Variants in C6orf15 observed in about 807,000 individuals in gnomAD.
The protein encoded by C6orf15 is uncharacterized protein C6orf15.
In C6orf15, 5 loss-of-function variants were observed where a neutral mutation model predicts 2.8. That is an observed-to-expected ratio of 1.80 (90% CI 0.94 to 3.78). The LOEUF (loss-of-function observed/expected upper bound fraction) is 3.78, where lower values mean the gene tolerates loss of function less well. Among genes scored for constraint, C6orf15 ranks in the 30% most tolerant of loss-of-function variants. The pLI is 0.00. For synonymous variants in C6orf15, 145 were observed against 163.2 expected (o/e 0.89, Z 0.85); for missense variants, 363 against 418.8 (o/e 0.87, Z 1.16).
rs1166253132 is a variant in C6orf15, at chr6:31,111,322, A to G, written c.*59T>C. ...CTGACAGGGCCTGGATTGAGCCCAC[A>G]CAGCAAGGGGCGGGAGCAGGACTCT... On this transcript the variant is annotated 3_prime_UTR_variant, in exon 2 of 2. Transcript: ENST00000259870. The G allele has an allele frequency of 1.4e-6, 2 of 1,448,406 alleles. No individual in the cohort carries two copies. Among genetic ancestry groups the G allele is most frequent in the African/African-American group, 1.4e-5 (1 of 70,834 alleles). 89.7% of individuals were successfully genotyped at this position (1,448,406 alleles called of 1,614,324 possible).
At position 31,111,771 on chromosome 6, in the gene C6orf15, G is replaced by A. The variant is rs536693439; in HGVS notation, c.588C>T (p.Pro196=). ...AGGKILSQRP[P]WSLIHRVLPD... The stretch of plus-strand genomic sequence containing the variant: ...GCAGAACCCTGTGGATGAGAGACCA[G>A]GGAGGGCGTTGGGAAAGGATTTTTC... Residue 196 remains proline, a synonymous_variant, in exon 2 of 2, where the codon CCC becomes CCT. Transcript: ENST00000259870. The A allele has an allele frequency of 6.2e-7, 1 of 1,612,886 alleles. No individual in the cohort carries two copies. The highest frequency in any genetic ancestry group is 1.1e-5 in the South Asian group (1 of 91,062).
At chr6:31,112,328 C>T (rs983612626) in intron 1 of C6orf15, 37 bp from the exon 2 acceptor site, 4 of 1,572,102 alleles carry the variant, frequency 2.5e-6, no homozygotes, top group Non-Finnish European at 3.5e-6. Flanking sequence ...CAGTGGTCTC[C>T]AGTCCCCGAG....
Position 31,111,776 on chromosome 6 carries a change from G to A in C6orf15, c.583C>T (p.Pro195Ser), listed in dbSNP as rs753116669. Reference sequence around the variant, plus strand: ...ACCCTGTGGATGAGAGACCAGGGAGGGCGTTGGGAAAGGATTTTTCCCCCG... The same window carrying A: ...ACCCTGTGGATGAGAGACCAGGGAGAGCGTTGGGAAAGGATTTTTCCCCCG... ...GAGGKILSQRPPWSLIHRVLP... is the reference protein window; with the variant it reads ...GAGGKILSQRSPWSLIHRVLP... The change falls in exon 2 of 2, where the codon CCT becomes TCT. Residue 195 changes from proline to serine, a missense_variant. Coordinates refer to ENST00000259870, the MANE Select transcript of C6orf15 (RefSeq NM_014070.3). 2.5e-6 allele frequency: 4 copies of A among 1,612,778 alleles called. No homozygotes were observed. The highest frequency in any genetic ancestry group is 3.3e-5 in the Admixed American group (2 of 59,988).
In C6orf15 at chr6:31,112,029, C is replaced by A. The variant is rs1336073056; in HGVS notation, c.330G>T (p.Trp110Cys). The change falls in exon 2 of 2, where the codon TGG becomes TGT. Residue 110 changes from tryptophan to cysteine, a missense_variant. Physicochemically the swap from Trp to Cys is radical, Grantham distance 215. Coordinates refer to ENST00000259870, the MANE Select transcript of C6orf15 (RefSeq NM_014070.3). Reference sequence around the variant, plus strand: ...TCATCTGCCAAGGATCCTCAGGGGGCCAGGAATCCATGGCAGGCAGCCCCC... The same window carrying A: ...TCATCTGCCAAGGATCCTCAGGGGGACAGGAATCCATGGCAGGCAGCCCCC... ...PSWGLPAMDS[W>C]PPEDPWQMMA... The A allele has an allele frequency of 1.2e-6, 2 of 1,614,064 alleles. No individual in the cohort carries two copies. Among genetic ancestry groups the A allele is most frequent in the Non-Finnish European group, 1.7e-6 (2 of 1,180,016 alleles).
In C6orf15 at chr6:31,111,232, T is replaced by C. The variant is rs756059662; in HGVS notation, c.*149A>G. The C allele has an allele frequency of 8.6e-6, 6 of 694,866 alleles. No homozygotes were observed. The highest frequency in any genetic ancestry group is 1.8e-5 in the African/African-American group (1 of 55,508). 43.0% of individuals were successfully genotyped at this position (694,866 alleles called of 1,614,324 possible). A position where few individuals can be genotyped will look rare whatever the true frequency, so the allele number is the denominator to read the frequency against. On this transcript the variant is annotated 3_prime_UTR_variant, in exon 2 of 2. Transcript: ENST00000259870. Reference sequence around the variant, plus strand: ...ACCAAGGAGAAGCAAATTCCATAAGTGCTTTTATTTTATTGGAGATGAGCA... The same window carrying C: ...ACCAAGGAGAAGCAAATTCCATAAGCGCTTTTATTTTATTGGAGATGAGCA...
Position 31,111,446 on chromosome 6 carries a change from C to T in C6orf15, c.913G>A (p.Gly305Ser). The change falls in exon 2 of 2, where the codon GGC becomes AGC. Residue 305 changes from glycine (G) to serine (S), a missense_variant. Physicochemically the swap from Gly to Ser is moderately conservative, Grantham distance 56. Coordinates refer to ENST00000259870, the MANE Select transcript of C6orf15 (RefSeq NM_014070.3). ...PFPPGVLRPP[G>S]SSWNIPAGFP... The stretch of plus-strand genomic sequence containing the variant: ...CCAGCTGGGATGTTCCAAGAAGAGC[C>T]AGGAGGGCGGAGGACTCCAGGAGGA... 6.2e-7 allele frequency: 1 copy of T among 1,612,354 alleles called. No individual in the cohort carries two copies. Among genetic ancestry groups the T allele is most frequent in the Non-Finnish European group, 8.5e-7 (1 of 1,179,536 alleles).
rs1191237233 is a variant in C6orf15 at position 31,112,188 on chromosome 6, G to A, written c.171C>T (p.Asn57=). The change falls in exon 2 of 2, where the codon AAC becomes AAT. Residue 57 remains asparagine (N), a synonymous_variant. Transcript: ENST00000259870. ...CCAGAGCGGGCTGCGGATGTTCAGA[G>A]TTAGAGGGGCCAGTGGAGGAAGGTT... ...LGQPSSTGPS[N]SEHPQPALDP... is the part of the protein sequence containing the mutation. 1.4e-5 allele frequency: 23 copies of A among 1,614,054 alleles called. No individual in the cohort carries two copies. The highest frequency in any genetic ancestry group is 1.9e-5 in the Non-Finnish European group (23 of 1,180,030).
Position 31,112,487 on chromosome 6 carries a change from A to G in C6orf15, c.67+2T>C. On this transcript the variant is annotated splice_donor_variant, in intron 1 of 1. Transcript: ENST00000259870. LOFTEE classifies it high-confidence loss of function. ...TGCCCAAGGGCATCACGGCCTCCAT[A>G]CCTGGGAGATGAAGACAGACCAGGA... 1 of 1,551,514 alleles carries G rather than the reference A, an allele frequency of 6.4e-7. No individual in the cohort carries two copies. The highest frequency in any genetic ancestry group is 8.7e-7 in the Non-Finnish European group (1 of 1,146,560).
chr6:31,111,376 G>C lies in C6orf15; in HGVS notation c.*5C>G, dbSNP rs773433611. ...TCCCAATGTTGGGTTTCCCTCTATC[G>C]TGCTCTAGCCCCACTGCAACCTAGG... On this transcript the variant is annotated 3_prime_UTR_variant, in exon 2 of 2. Transcript: ENST00000259870. The C allele has an allele frequency of 6.3e-7, 1 of 1,583,700 alleles. No individual in the cohort carries two copies. Among genetic ancestry groups the C allele is most frequent in the African/African-American group, 1.3e-5 (1 of 74,332 alleles).
intron 1 of C6orf15, 79 bp downstream of exon 1, chr6:31,112,410 G>T: frequency 6.9e-7 from 1 of 1,445,024 alleles, no homozygotes; most frequent in Non-Finnish European, 9.4e-7. Flanking sequence ...GTACCCTCCT[G>T]CCTTTACCCC....
In C6orf15 at chr6:31,111,500, G is replaced by T. The variant is rs925931391; in HGVS notation, c.859C>A (p.His287Asn). 3 of 1,612,836 alleles carry T rather than the reference G, an allele frequency of 1.9e-6. No individual in the cohort carries two copies. The highest frequency in any genetic ancestry group is 1.7e-4 in the Middle Eastern group (1 of 6,054). Reference protein sequence around the residue: ...RYPGGSWGNIHLYPGINNPFP... With the variant: ...RYPGGSWGNINLYPGINNPFP... Reference sequence around the variant, plus strand: ...GGGTTATTGATACCTGGGTATAGATGAATATTCCCCCAGCTGCCTCCTGGA... The same window carrying T: ...GGGTTATTGATACCTGGGTATAGATTAATATTCCCCCAGCTGCCTCCTGGA... Residue 287 changes from histidine to asparagine, a missense_variant, in exon 2 of 2, where the codon CAT (histidine) becomes AAT (asparagine). Physicochemically the swap from His to Asn is moderately conservative, Grantham distance 68. Transcript: ENST00000259870.
rs1176942299 is a variant in C6orf15, at chr6:31,111,526, T to G, written c.833A>C (p.Tyr278Ser). The change falls in exon 2 of 2, where the codon TAT becomes TCT. Residue 278 changes from tyrosine to serine, a missense_variant. Physicochemically the swap from Tyr to Ser is moderately radical, Grantham distance 144 (BLOSUM62 -2). Transcript: ENST00000259870. ...PGGSWGNINR[Y>S]PGGSWGNIHL... ...AATATTCCCCCAGCTGCCTCCTGGA[T>G]ACCGATTAATATTCCCCCAGCTGCC... 5 of 1,607,756 alleles carry G rather than the reference T, an allele frequency of 3.1e-6. No individual in the cohort carries two copies. The highest frequency in any genetic ancestry group is 4.2e-6 in the Non-Finnish European group (5 of 1,176,556).
chr6:31,111,481 T>C lies in C6orf15; in HGVS notation c.878A>G (p.Asn293Ser). The C allele has an allele frequency of 6.2e-7, 1 of 1,612,816 alleles. No individual in the cohort carries two copies. The highest frequency in any genetic ancestry group is 2.2e-5 in the East Asian group (1 of 44,878). ...GAGGACTCCAGGAGGAAATGGGTTA[T>C]TGATACCTGGGTATAGATGAATATT... is the stretch of plus-strand genomic sequence containing the variant. ...WGNIHLYPGINNPFPPGVLRP... is the reference protein window; with the variant it reads ...WGNIHLYPGISNPFPPGVLRP... Residue 293 changes from asparagine (N) to serine (S), a missense_variant, in exon 2 of 2, where the codon AAT becomes AGT. Transcript: ENST00000259870.
chr6:31,111,389 A>G lies in C6orf15; in HGVS notation c.970T>C (p.Trp324Arg). ...TTTCCCTCTATCGTGCTCTAGCCCCACTGCAACCTAGGGCTTGGAGGATTA... is the reference window on the plus strand; with the variant it reads ...TTTCCCTCTATCGTGCTCTAGCCCCGCTGCAACCTAGGGCTTGGAGGATTA... ...FPNPPSPRLQ[W>R]G Residue 324 changes from tryptophan to arginine, a missense_variant, in exon 2 of 2, where the codon TGG (tryptophan) becomes CGG (arginine). Physicochemically the swap from Trp to Arg is moderately radical, Grantham distance 101 (BLOSUM62 -3). Coordinates refer to ENST00000259870, the MANE Select transcript of C6orf15 (RefSeq NM_014070.3). 1.9e-6 allele frequency: 3 copies of G among 1,598,062 alleles called. No individual in the cohort carries two copies. Among genetic ancestry groups the G allele is most frequent in the Non-Finnish European group, 2.6e-6 (3 of 1,168,956 alleles).
At position 31,112,155 on chromosome 6, in the gene C6orf15, C is replaced by T; in HGVS notation, c.204G>A (p.Arg68=). 6.2e-7 allele frequency: 1 copy of T among 1,614,132 alleles called. No homozygotes were observed. The highest frequency in any genetic ancestry group is 8.5e-7 in the Non-Finnish European group (1 of 1,180,012). ...SEHPQPALDP[R]SNDLARVPLK... is the part of the protein sequence containing the mutation. Reference sequence around the variant, plus strand: ...GAGGAACCCTTGCCAAGTCATTAGACCTAGGGTCCAGAGCGGGCTGCGGAT... The same window carrying T: ...GAGGAACCCTTGCCAAGTCATTAGATCTAGGGTCCAGAGCGGGCTGCGGAT... Residue 68 remains arginine (R), a synonymous_variant, in exon 2 of 2, where the codon AGG becomes AGA. Coordinates refer to ENST00000259870, the MANE Select transcript of C6orf15 (RefSeq NM_014070.3).
intron 1 of C6orf15, 41 bp downstream of exon 1, chr6:31,112,448 C>A (rs1354443623): frequency 6.7e-7 from 1 of 1,494,862 alleles, no homozygotes; most frequent in East Asian, 2.4e-5. Context: ...TCCTGGGGGA[C>A]CTCCAGTCCC....
Position 31,112,281 on chromosome 6 carries a change from G to A in C6orf15, c.78C>T (p.Ala26=). Residue 26 remains alanine, a synonymous_variant, in exon 2 of 2, where the codon GCC becomes GCT. Coordinates refer to ENST00000259870, the MANE Select transcript of C6orf15 (RefSeq NM_014070.3). ...LVCLHLPGLF[A]RSIGVVEEKV... is the part of the protein sequence containing the mutation. ...TCTCCTCCACAACACCGATGCTCCG[G>A]GCAAAGAGGCCTGAGGGAAAGGGAA... The A allele has an allele frequency of 1.2e-6, 2 of 1,610,430 alleles. No homozygotes were observed. The highest frequency in any genetic ancestry group is 1.7e-6 in the Non-Finnish European group (2 of 1,178,132).
In C6orf15 at chr6:31,111,931, G is replaced by A. The variant is rs1771805797; in HGVS notation, c.428C>T (p.Ala143Val). The change falls in exon 2 of 2, where the codon GCC becomes GTC. Residue 143 changes from alanine to valine, a missense_variant. By Grantham distance (64) the Ala-to-Val change is moderately conservative. Transcript: ENST00000259870. ...CAAAGGGCCACTGCCCGGAGCGAGG[G>A]CCGCAGCACTGGAGAGGTAAGAGAG... ...EELSYLSSAA[A>V]LAPGSGPLPG... The A allele has an allele frequency of 6.2e-7, 1 of 1,613,002 alleles. No individual in the cohort carries two copies. The highest frequency in any genetic ancestry group is 1.7e-5 in the Admixed American group (1 of 60,008).
rs1231527735 is a variant in C6orf15 at position 31,111,528 on chromosome 6, C to A, written c.831G>T (p.Arg277=). 5 of 1,601,802 alleles carry A rather than the reference C, an allele frequency of 3.1e-6. No homozygotes were observed. The highest frequency in any genetic ancestry group is 3.4e-6 in the Non-Finnish European group (4 of 1,174,578). The change falls in exon 2 of 2, where the codon CGG becomes CGT. Residue 277 remains arginine (R), a synonymous_variant. Transcript: ENST00000259870. ...TATTCCCCCAGCTGCCTCCTGGATA[C>A]CGATTAATATTCCCCCAGCTGCCTC... ...YPGGSWGNIN[R]YPGGSWGNIH...
Sources: gnomAD v4.1 joint callset for allele counts on GRCh38, gnomAD v4.1.1 for gene constraint, MANE v1.5 for transcripts, NCBI Gene and HGNC (gene_info 2026-07-23, HGNC 2026-07-21) for gene names.